ZBTB24: variants seen among roughly 807,000 people sequenced by gnomAD.
ZBTB24 encodes the protein zinc finger and BTB domain-containing protein 24.
In ZBTB24, 32 loss-of-function variants were observed where a neutral mutation model predicts 53.8. That is an observed-to-expected ratio of 0.60 (90% CI 0.45 to 0.80). The LOEUF is 0.80. ZBTB24 is among the 30% of genes least tolerant of loss of function. The pLI is 0.00. For missense variants in ZBTB24, 722 were observed against 837.1 expected (o/e 0.86, Z 1.70); for synonymous variants, 297 against 306.7 (o/e 0.97, Z 0.33).
At chr6:109,467,434 T>C (rs1776070644) in intron 6 of ZBTB24, among the ~76,000 whole-genome samples, 1 of 151,976 alleles carries the variant, frequency 6.6e-6, no homozygotes, top group African/African-American at 2.4e-5. Context: ...TCGCCTGAAC[T>C]CCCACCTGCA....
intron 6 of ZBTB24, 33 bp downstream of exon 6, chr6:109,467,620 C>T (rs766011511): frequency 6.2e-7 from 1 of 1,614,104 alleles, no homozygotes; most frequent in Non-Finnish European, 8.5e-7. Context: ...TGAATGAGGC[C>T]TCCATGCGAG....
chr6:109,474,942 C>T (rs1346518890), intron 5 of ZBTB24, among the ~76,000 whole-genome samples: 2 of 150,334 alleles, frequency 1.3e-5, no homozygotes, highest in Admixed American at 1.3e-4. Flanking sequence ...ACCCAGGAGG[C>T]TGAGGTGGGA....
chr6:109,463,931 A>G lies in ZBTB24; in HGVS notation c.*1920T>C, dbSNP rs1775971025. On this transcript the variant is annotated 3_prime_UTR_variant, in exon 7 of 7. Coordinates refer to ENST00000230122, the MANE Select transcript of ZBTB24 (RefSeq NM_014797.3). ...TTAGTGTAGAGGTAGACTGTTATAGAGCCAGTGAAACTTGACTTATAAATA... is the reference window on the plus strand; with the variant it reads ...TTAGTGTAGAGGTAGACTGTTATAGGGCCAGTGAAACTTGACTTATAAATA... 6.6e-6 allele frequency: 1 copy of G among 152,192 alleles called. No homozygotes were observed. Among genetic ancestry groups the G allele is most frequent in the Admixed American group, 6.6e-5 (1 of 15,262 alleles). 9.4% of individuals were successfully genotyped at this position (152,192 alleles called of 1,614,324 possible).
At chr6:109,476,284 A>C in intron 3 of ZBTB24, 26 bp from the exon 4 acceptor site, 2 of 1,612,602 alleles carry the variant, frequency 1.2e-6, no homozygotes, top group Non-Finnish European at 1.7e-6. Flanking sequence ...AAACACTAAA[A>C]CATGTAAAAA....
chr6:109,473,715 T>C (rs1341332402), intron 5 of ZBTB24, among the ~76,000 whole-genome samples: 1 of 152,196 alleles, frequency 6.6e-6, no homozygotes, highest in Admixed American at 6.5e-5. Flanking sequence ...TCCCAGTAAG[T>C]GCTCAGTACA....
rs1231500706 is a variant in ZBTB24 at position 109,481,882 on chromosome 6, G to C, written c.145C>G (p.Arg49Gly). The C allele has an allele frequency of 6.2e-7, 1 of 1,614,106 alleles. No individual in the cohort carries two copies. Among genetic ancestry groups the C allele is most frequent in the Non-Finnish European group, 8.5e-7 (1 of 1,180,024 alleles). Residue 49 changes from arginine to glycine, a missense_variant, in exon 2 of 7, where the codon CGG becomes GGG. By Grantham distance (125) the Arg-to-Gly change is moderately radical. Coordinates refer to ENST00000230122, the MANE Select transcript of ZBTB24 (RefSeq NM_014797.3). ...GCAGCAAGTAAGGCTTTGTGGGCCC[G>C]GAAATGTACATTCTCCACGATTAAA... ...ITLIVENVHF[R>G]AHKALLAASS...
intron 5 of ZBTB24, among the ~76,000 whole-genome samples, chr6:109,471,230 T>C (rs1165170715): frequency 6.6e-6 from 1 of 152,254 alleles, no homozygotes; most frequent in Non-Finnish European, 1.5e-5. Flanking sequence ...ACCTGTGTAC[T>C]TGGCATTCCT....
intron 5 of ZBTB24, among the ~76,000 whole-genome samples, chr6:109,470,638 C>T (rs972532009): frequency 3.9e-5 from 6 of 152,248 alleles, no homozygotes; most frequent in African/African-American, 1.4e-4. Context: ...CCTGGCAGTC[C>T]AGTTCCGTCC....
chr6:109,469,000 TA>T (rs1341546722), intron 5 of ZBTB24, among the ~76,000 whole-genome samples: 5 of 150,470 alleles, frequency 3.3e-5, no homozygotes. Context: ...AAAGGATAAG[TA>T]CAATTTGAAA....
chr6:109,474,441 A>C (rs1238102029), intron 5 of ZBTB24, among the ~76,000 whole-genome samples: 3 of 152,138 alleles, frequency 2.0e-5, no homozygotes, highest in Non-Finnish European at 4.4e-5. Context: ...TTTCTAAAAA[A>C]ATAATCTTGG....
rs1775989311 is a variant in ZBTB24 at position 109,464,645 on chromosome 6, A to G, written c.*1206T>C. ...AGTCTCTGAGGCTCAAAGTTTTAAG[A>G]TTAGATGAAGATTAGCTGGGTGTGG... On this transcript the variant is annotated 3_prime_UTR_variant, in exon 7 of 7. Transcript: ENST00000230122. The G allele has an allele frequency of 6.6e-6, 1 of 152,206 alleles. No individual in the cohort carries two copies. Among genetic ancestry groups the G allele is most frequent in the Non-Finnish European group, 1.5e-5 (1 of 68,032 alleles). The allele number at this position is 152,206 out of a possible 1,614,324, so 9.4% of individuals were successfully genotyped here.
At chr6:109,479,785 G>A (rs1433781794) in intron 2 of ZBTB24, among the ~76,000 whole-genome samples, 1 of 151,770 alleles carries the variant, frequency 6.6e-6, no homozygotes, top group Non-Finnish European at 1.5e-5. Flanking sequence ...GCGTGGTGGC[G>A]TGTGCCTGTA....
chr6:109,476,290 A>G (rs1776277386), intron 3 of ZBTB24, 32 bp from the exon 4 acceptor site: 1 of 1,610,944 alleles, frequency 6.2e-7, no homozygotes, highest in Non-Finnish European at 8.5e-7. Flanking sequence ...TAAAACATGT[A>G]AAAAATTATA....
chr6:109,478,578 G>T (rs1376666964), intron 2 of ZBTB24, among the ~76,000 whole-genome samples: 1 of 152,174 alleles, frequency 6.6e-6, no homozygotes, highest in African/African-American at 2.4e-5. Flanking sequence ...GTGCGTGCCT[G>T]TAATCCCAGC....
chr6:109,481,691 A>C lies in ZBTB24; in HGVS notation c.336T>G (p.Thr112=), dbSNP rs763763622. 6.2e-7 allele frequency: 1 copy of C among 1,614,260 alleles called. No individual in the cohort carries two copies. The highest frequency in any genetic ancestry group is 1.7e-5 in the Admixed American group (1 of 60,032). Residue 112 remains threonine (T), a synonymous_variant, in exon 2 of 7, where the codon ACT becomes ACG. Coordinates refer to ENST00000230122, the MANE Select transcript of ZBTB24 (RefSeq NM_014797.3). ...SEKSTEQILA[T]AQFLKVYDLV... is the part of the protein sequence containing the mutation. ...GGTCATAGACTTTTAAGAACTGAGC[A>C]GTAGCCAGGATTTGTTCTGTACTTT...
intron 5 of ZBTB24, among the ~76,000 whole-genome samples, chr6:109,472,073 T>C (rs73762759): frequency 6.8e-4 from 104 of 152,242 alleles, no homozygotes; most frequent in African/African-American, 2.5e-3. Flanking sequence ...ATCTAAGAGA[T>C]GAATGACAGC....
chr6:109,477,014 A>AT, intron 2 of ZBTB24, 84 bp from the exon 3 acceptor site: 1 of 1,536,006 alleles, frequency 6.5e-7, no homozygotes, highest in Non-Finnish European at 8.8e-7. Context: ...ACAATAAAGG[A>AT]TTTTTCTTAA....
intron 2 of ZBTB24, among the ~76,000 whole-genome samples, chr6:109,479,396 G>T (rs12190920): frequency 0.3 from 45,153 of 152,090 alleles, 7,128 homozygotes; most frequent in Middle Eastern, 0.41. Context: ...GGCATGGCAT[G>T]AGAGGATCAT....
At chr6:109,472,479 A>G (rs1267221846) in intron 5 of ZBTB24, among the ~76,000 whole-genome samples, 1 of 152,076 alleles carries the variant, frequency 6.6e-6, no homozygotes, top group Non-Finnish European at 1.5e-5. Context: ...GCTACTCACA[A>G]AGCCCAGAAA....
Sources: allele counts gnomAD v4.1 joint callset (sites outside exome capture counted in the v4.1 genomes callset), GRCh38; gene constraint gnomAD v4.1.1; transcripts MANE v1.5; gene names NCBI Gene and HGNC (gene_info 2026-07-23, HGNC 2026-07-21).